The following DLC1 variants were observed in gnomAD, a reference collection of about 807,000 sequenced individuals.
DLC1 encodes the protein DLC1 Rho GTPase activating protein, also known as rho GTPase-activating protein 7.
Under a neutral mutation model 140.3 loss-of-function variants are expected in DLC1, and 54 were observed. The ratio of observed to expected loss-of-function variants is 0.38; its 90% CI spans 0.31 to 0.48. DLC1 has a LOEUF of 0.48. DLC1 is among the 20% of genes least tolerant of loss of function. The pLI, the probability that DLC1 is intolerant of heterozygous loss-of-function variation, is 0.96. For missense variants in DLC1, 2,536 were observed against 1,907.0 expected (o/e 1.33, Z -6.14); for synonymous variants, 986 against 728.1 (o/e 1.35, Z -5.70).
intron 5 of DLC1, among the ~76,000 whole-genome samples, chr8:13,187,213 A>AT (rs1213110147): frequency 1.3e-5 from 2 of 151,808 alleles, no homozygotes; most frequent in Admixed American, 6.6e-5. Flanking sequence ...TGTATAATTT[A>AT]TTTTTTCTCT....
intron 4 of DLC1, among the ~76,000 whole-genome samples, chr8:13,312,897 A>T (rs893266120): frequency 2.0e-5 from 3 of 152,172 alleles, no homozygotes; most frequent in African/African-American, 7.2e-5. Context: ...TGAGGATGAT[A>T]CTCAAGATAA....
At chr8:13,199,109 A>C (rs1827231075) in intron 5 of DLC1, among the ~76,000 whole-genome samples, 1 of 151,520 alleles carries the variant, frequency 6.6e-6, no homozygotes, top group Non-Finnish European at 1.5e-5. Context: ...TCTCATCTCA[A>C]TTCACTGATC....
chr8:13,344,093 G>A (rs992697268), intron 4 of DLC1, among the ~76,000 whole-genome samples: 4 of 152,098 alleles, frequency 2.6e-5, no homozygotes, highest in Non-Finnish European at 5.9e-5. Context: ...TCATTTATTT[G>A]CTCCTTTTTC....
chr8:13,101,739 C>A (rs550319825), intron 8 of DLC1, among the ~76,000 whole-genome samples: 3 of 152,246 alleles, frequency 2.0e-5, no homozygotes, highest in South Asian at 4.2e-4. Flanking sequence ...GCCAATTGAA[C>A]AAGGCTTCAC....
intron 1 of DLC1, among the ~76,000 whole-genome samples, chr8:13,532,130 C>T (rs941449712): frequency 2.0e-5 from 3 of 152,176 alleles, no homozygotes; most frequent in African/African-American, 4.8e-5. Context: ...AGAGGCCAGG[C>T]TCAGTGGCTC....
intron 2 of DLC1, among the ~76,000 whole-genome samples, chr8:13,484,758 TG>T (rs1476072154): frequency 6.6e-6 from 1 of 151,972 alleles, no homozygotes; most frequent in Admixed American, 6.6e-5. Context: ...TATGTCACTT[TG>T]AACATAAACA....
At chr8:13,427,564 C>T (rs1187537274) in intron 2 of DLC1, among the ~76,000 whole-genome samples, 1 of 152,174 alleles carries the variant, frequency 6.6e-6, no homozygotes, top group African/African-American at 2.4e-5. Flanking sequence ...GCTCAGCAGT[C>T]ACCTCTTCCT....
chr8:13,147,532 G>A lies in DLC1; in HGVS notation c.1349-31875C>T, dbSNP rs373604525. Reference sequence around the variant, plus strand: ...TCTGCATATTTCACAGTTCTGGAGCGGGCAGGCACTCTTATCTGGAATTTA... The same window carrying A: ...TCTGCATATTTCACAGTTCTGGAGCAGGCAGGCACTCTTATCTGGAATTTA... On this transcript the variant is annotated intron_variant, in intron 5 of 17. Transcript: ENST00000276297. Among the ~76,000 whole-genome samples, 9 of 152,234 alleles carry A rather than the reference G, an allele frequency of 5.9e-5. No individual in the cohort carries two copies. In the East Asian group the frequency reaches 9.7e-4, roughly 16 times the overall value.
At chr8:13,455,530 G>C (rs984313158) in intron 2 of DLC1, among the ~76,000 whole-genome samples, 1 of 152,094 alleles carries the variant, frequency 6.6e-6, no homozygotes, top group Non-Finnish European at 1.5e-5. Context: ...AGCTATTCGG[G>C]AAGACTCTAC....
intron 1 of DLC1, among the ~76,000 whole-genome samples, chr8:13,595,841 C>T (rs1330685494): frequency 2.6e-5 from 4 of 151,964 alleles, no homozygotes; most frequent in South Asian, 2.1e-4. Context: ...ATGTTATCAA[C>T]CTAAATAAAA....
At chr8:13,368,465 G>A (rs1835592652) in intron 4 of DLC1, among the ~76,000 whole-genome samples, 1 of 151,978 alleles carries the variant, frequency 6.6e-6, no homozygotes, top group Admixed American at 6.5e-5. Flanking sequence ...AATCATGAAG[G>A]ACTTGAGGTT....
intron 5 of DLC1, among the ~76,000 whole-genome samples, chr8:13,178,940 G>A (rs527512816): frequency 1.8e-4 from 28 of 152,226 alleles, no homozygotes; most frequent in Admixed American, 1.6e-3. Context: ...AAATAGAAAT[G>A]TGTCGATTTG....
intron 5 of DLC1, among the ~76,000 whole-genome samples, chr8:13,192,932 T>C (rs1826847352): frequency 6.6e-6 from 1 of 152,204 alleles, no homozygotes; most frequent in South Asian, 2.1e-4. Flanking sequence ...TTCAGTTGTT[T>C]GAGCCACCCA....
intron 2 of DLC1, among the ~76,000 whole-genome samples, chr8:13,404,193 G>A (rs184128592): frequency 6.6e-6 from 1 of 152,210 alleles, no homozygotes; most frequent in Non-Finnish European, 1.5e-5. Context: ...TATTTCTTAG[G>A]AGCAGGAAAT....
chr8:13,132,520 G>C (rs1353318877), intron 5 of DLC1, among the ~76,000 whole-genome samples: 2 of 152,184 alleles, frequency 1.3e-5, no homozygotes, highest in Non-Finnish European at 2.9e-5. Flanking sequence ...GGACTAAGCT[G>C]GTGAATGACA....
intron 8 of DLC1, 64 bp downstream of exon 8, chr8:13,102,726 A>C (rs1185951817): frequency 1.4e-6 from 2 of 1,399,716 alleles, no homozygotes; most frequent in East Asian, 4.6e-5. Flanking sequence ...ATTACAAAAC[A>C]CATCATTCAC....
At chr8:13,165,685 C>A (rs561533906) in intron 5 of DLC1, among the ~76,000 whole-genome samples, 1 of 152,252 alleles carries the variant, frequency 6.6e-6, no homozygotes, top group South Asian at 2.1e-4. Context: ...GAGCAGTGGA[C>A]GCTCCAATCA....
chr8:13,566,190 C>CATTAA (rs1360971583), intron 1 of DLC1, among the ~76,000 whole-genome samples: 1 of 151,996 alleles, frequency 6.6e-6, no homozygotes, highest in African/African-American at 2.4e-5. Flanking sequence ...GAGTTTAAGG[C>CATTAA]AGGGGTGGGT....
chr8:13,552,697 C>T (rs921379028), intron 1 of DLC1, among the ~76,000 whole-genome samples: 5 of 151,568 alleles, frequency 3.3e-5, no homozygotes, highest in Admixed American at 1.3e-4. Context: ...AAAATTACTA[C>T]AGGAAAATGT....
Sources: allele counts gnomAD v4.1 joint callset (sites outside exome capture counted in the v4.1 genomes callset), GRCh38; gene constraint gnomAD v4.1.1; transcripts MANE v1.5; gene names NCBI Gene and HGNC (gene_info 2026-07-23, HGNC 2026-07-21).